NBEAL2: variants seen among roughly 807,000 people sequenced by gnomAD.
The protein encoded by NBEAL2 is neurobeachin like 2.
NBEAL2 carries 160 observed loss-of-function variants against 299.8 expected under a neutral mutation model. The ratio of observed to expected loss-of-function variants is 0.53; its 90% CI spans 0.47 to 0.61. NBEAL2 has a LOEUF of 0.61. Among genes scored for constraint, NBEAL2 ranks in the 20% least tolerant of loss-of-function variants. NBEAL2 has a pLI of 0.00. For missense variants in NBEAL2, 3,112 were observed against 3,649.0 expected, an observed-to-expected ratio of 0.85 and a Z score of 3.79; for synonymous variants, 1,493 against 1,542.3, an observed-to-expected ratio of 0.97 and a Z score of 0.75.
At position 46,996,399 on chromosome 3, in the gene NBEAL2, C is replaced by T; in HGVS notation, c.2280C>T (p.Val760=). 1 of 1,611,974 alleles carries T rather than the reference C, an allele frequency of 6.2e-7. No homozygotes were observed. The highest frequency in any genetic ancestry group is 1.1e-5 in the South Asian group (1 of 91,020). ...THPALTRSQS[V]PASTGLGWGS... Reference sequence around the variant, plus strand: ...CCGCCCTCACCCGCTCCCAGTCAGTCCCAGCCTCCACAGGGCTTGGCTGGG... The same window carrying T: ...CCGCCCTCACCCGCTCCCAGTCAGTTCCAGCCTCCACAGGGCTTGGCTGGG... Residue 760 remains valine, a synonymous_variant, in exon 16 of 54, where the codon GTC becomes GTT. Transcript: ENST00000450053.
At position 47,000,257 on chromosome 3, in the gene NBEAL2, C is replaced by G; in HGVS notation, c.4158C>G (p.Pro1386=). 1 of 1,613,150 alleles carries G rather than the reference C, an allele frequency of 6.2e-7. No individual in the cohort carries two copies. Residue 1386 remains proline, a synonymous_variant, in exon 27 of 54, where the codon CCC becomes CCG. Transcript: ENST00000450053. The surrounding 1 kb of genome is among the most constrained non-coding windows in gnomAD (Gnocchi z 4.5). Reference sequence around the variant, plus strand: ...GGACTCTTACTCCAGCCAGCCAGCCCGGCACTCCTTCGCCACTGGATGGGC... The same window carrying G: ...GGACTCTTACTCCAGCCAGCCAGCCGGGCACTCCTTCGCCACTGGATGGGC... ...SSGTLTPASQ[P]GTPSPLDGPR... is the part of the protein sequence containing the mutation.
At chr3:47,006,586 A>C in intron 45 of NBEAL2, 137 bp downstream of exon 45, 1 of 868,260 alleles carries the variant, frequency 1.2e-6, no homozygotes, top group Non-Finnish European at 1.9e-6. Flanking sequence ...TGAGCTAAAC[A>C]TGGGAAGAGT....
chr3:47,003,020 G>A lies in NBEAL2; in HGVS notation c.5523G>A (p.Lys1841=), dbSNP rs1428101331. The A allele has an allele frequency of 2.5e-6, 4 of 1,613,442 alleles. No homozygotes were observed. The highest frequency in any genetic ancestry group is 1.6e-4 in the Middle Eastern group (1 of 6,062). Residue 1841 remains lysine (K), a synonymous_variant, in exon 34 of 54, where the codon AAG becomes AAA. Coordinates refer to ENST00000450053, the MANE Select transcript of NBEAL2 (RefSeq NM_015175.3). The surrounding 1 kb of genome is among the most constrained non-coding windows in gnomAD (Gnocchi z 7.0). ...AGACATATTCACGCATGCGTCTGAA[G>A]CTGGTGCCCAACCATCACTTCGACC... ...SAETYSRMRL[K]LVPNHHFDPH... is the part of the protein sequence containing the mutation.
In NBEAL2 at chr3:46,994,349, G is replaced by T. The variant is rs539057659; in HGVS notation, c.1198-106G>T. On this transcript the variant is annotated intron_variant, in intron 11 of 53. Coordinates refer to ENST00000450053, the MANE Select transcript of NBEAL2 (RefSeq NM_015175.3). ...CACTGTCACCCAGAGGCAGAGCTAC[G>T]CAAGGGAACCCCAAAACATGATGCC... 33 of 1,058,416 alleles carry T rather than the reference G, an allele frequency of 3.1e-5. No homozygotes were observed. The African/African-American group carries it at 4.4e-4, about 14-fold the overall frequency. The allele number at this position is 1,058,416 out of a possible 1,614,324, so 65.6% of individuals were successfully genotyped here.
rs766010461 is a variant in NBEAL2 at position 47,004,568 on chromosome 3, A to G, written c.6272A>G (p.Asn2091Ser). 9.9e-6 allele frequency: 16 copies of G among 1,613,650 alleles called. No individual in the cohort carries two copies. The highest frequency in any genetic ancestry group is 2.2e-5 in the South Asian group (2 of 91,078). ...QLNTIAGRTY[N>S]DLSQYPVFPW... ...AACACCATTGCGGGGCGGACCTACA[A>G]TGACCTGTCTCAGTACCCTGTGGTG... The change falls in exon 38 of 54, where the codon AAT becomes AGT. Residue 2091 changes from asparagine (N) to serine (S), a missense_variant. Physicochemically the swap from Asn to Ser is conservative, Grantham distance 46. Transcript: ENST00000450053. This position sits in a 1 kb window ranked among gnomAD's most constrained non-coding sequence, Gnocchi z 5.0.
chr3:47,002,824 G>T, intron 33 of NBEAL2, 22 bp downstream of exon 33: 1 of 1,550,926 alleles, frequency 6.4e-7, no homozygotes, highest in Non-Finnish European at 8.7e-7. Flanking sequence ...TTGGGGCAGG[G>T]TCGCTGTGGA....
Position 46,996,870 on chromosome 3 carries a change from G to A in NBEAL2, c.2556+37G>A, listed in dbSNP as rs371859474. 2.1e-4 allele frequency: 331 copies of A among 1,610,316 alleles called. 2 individuals are homozygous for A. In the Middle Eastern group the frequency reaches 3.3e-3, roughly 16 times the overall value. ...CCCCAGGGGAGTGGTTGGCTCGACT[G>A]TGCTACTTCCCCGGCTCCCACACTC... On this transcript the variant is annotated intron_variant, in intron 17 of 53. Transcript: ENST00000450053.
rs767685780 is a variant in NBEAL2, at chr3:46,999,065, C to T, written c.3491C>T (p.Ala1164Val). 6.3e-6 allele frequency: 10 copies of T among 1,593,660 alleles called. No individual in the cohort carries two copies. Among genetic ancestry groups the T allele is most frequent in the Non-Finnish European group, 7.7e-6 (9 of 1,170,676 alleles). ...LEPGNLEVLL[A>V]LLVRPGSLPL... The stretch of plus-strand genomic sequence containing the variant: ...CCAGGGAACCTCGAAGTGCTACTGG[C>T]CCTGCTAGTGCGGCCAGGGTCACTG... Residue 1164 changes from alanine to valine, a missense_variant, in exon 24 of 54, where the codon GCC (alanine) becomes GTC (valine). This residue lies in a region of NBEAL2 where 2,243 missense variants were observed against 2,538.1 expected (regional missense o/e 0.88). Coordinates refer to ENST00000450053, the MANE Select transcript of NBEAL2 (RefSeq NM_015175.3).
rs780578595 is a variant in NBEAL2 at position 46,999,367 on chromosome 3, G to T, written c.3596G>T (p.Arg1199Leu). Residue 1199 changes from arginine (R) to leucine (L), a missense_variant, in exon 25 of 54, where the codon CGC becomes CTC. Around this residue, in one of 3 missense-constraint regions of NBEAL2, gnomAD observed 2,243 missense variants for 2,538.1 expected, o/e 0.88. Coordinates refer to ENST00000450053, the MANE Select transcript of NBEAL2 (RefSeq NM_015175.3). ...CGGCTACCTGAGCGGAGCCGCCAGCGCCTCCGGCTGCGGGAGTGTGGTCTC... is the reference window on the plus strand; with the variant it reads ...CGGCTACCTGAGCGGAGCCGCCAGCTCCTCCGGCTGCGGGAGTGTGGTCTC... ...NERLPERSRQ[R>L]LRLRECGLQG... 2.5e-6 allele frequency: 4 copies of T among 1,609,644 alleles called. No homozygotes were observed. The East Asian group carries it at 6.7e-5, about 27-fold the overall frequency.
chr3:47,008,962 T>G (rs764037103), intron 52 of NBEAL2, 27 bp from the exon 53 acceptor site: 1 of 1,598,362 alleles, frequency 6.3e-7, no homozygotes, highest in South Asian at 1.1e-5. Context: ...CAGTCGCAAG[T>G]TGGTGTATAT....
At chr3:46,998,595 G>C in intron 22 of NBEAL2, 30 bp downstream of exon 22, 1 of 1,595,536 alleles carries the variant, frequency 6.3e-7, no homozygotes, top group Non-Finnish European at 8.5e-7. Flanking sequence ...ATGGGCCATG[G>C]GGGGCTGACA....
intron 1 of NBEAL2, among the ~76,000 whole-genome samples, chr3:46,987,243 A>ATAGT (rs2035731390): frequency 6.6e-6 from 1 of 152,058 alleles, no homozygotes; most frequent in African/African-American, 2.4e-5. Flanking sequence ...CCATCCAAAG[A>ATAGT]TAGTTCTGGA....
In NBEAL2 at chr3:46,998,767, C is replaced by A. The variant is rs374932331; in HGVS notation, c.3272C>A (p.Thr1091Asn). The change falls in exon 23 of 54, where the codon ACC (threonine) becomes AAC (asparagine). Residue 1091 changes from threonine (T) to asparagine (N), a missense_variant. Thr to Asn is a moderately conservative substitution (Grantham distance 65). Transcript: ENST00000450053. ...GCTGACGACCTACGCACCGTGCAGA[C>A]CTCCCTCCTGGGCCTGGCGAGGGAG... is the stretch of plus-strand genomic sequence containing the variant. Reference protein sequence around the residue: ...LAADDLRTVQTSLLGLAREFL... With the variant: ...LAADDLRTVQNSLLGLAREFL... 2.5e-6 allele frequency: 4 copies of A among 1,576,878 alleles called. No homozygotes were observed. In the African/African-American group the frequency reaches 4.0e-5, roughly 16 times the overall value.
At position 47,003,788 on chromosome 3, in the gene NBEAL2, C is replaced by T. The variant is rs748239150; in HGVS notation, c.5721-28C>T. 2.0e-5 allele frequency: 31 copies of T among 1,560,886 alleles called. No homozygotes were observed. The highest frequency in any genetic ancestry group is 2.5e-5 in the Non-Finnish European group (29 of 1,151,648). On this transcript the variant is annotated intron_variant, in intron 35 of 53. Coordinates refer to ENST00000450053, the MANE Select transcript of NBEAL2 (RefSeq NM_015175.3). This position sits in a 1 kb window ranked among gnomAD's most constrained non-coding sequence, Gnocchi z 7.0. ...GTGAAGAAGGGGGTCCCAGAGCCTA[C>T]AGCGTGAGGTGGGTTGCTGGTCTTT...
At chr3:46,998,368 C>A in intron 21 of NBEAL2, 95 bp from the exon 22 acceptor site, 1 of 1,509,788 alleles carries the variant, frequency 6.6e-7, no homozygotes, top group Non-Finnish European at 9.0e-7. Flanking sequence ...TATGACCCTG[C>A]CCTGGAAGTC....
Position 47,002,756 on chromosome 3 carries a change from G to A in NBEAL2, c.5413G>A (p.Ala1805Thr), listed in dbSNP as rs2037120735. Reference sequence around the variant, plus strand: ...CTCCATGGCCCTGCTGCACTGGGGGGCGCTGTGGCGCCAGCTCGCCAGCCC... The same window carrying A: ...CTCCATGGCCCTGCTGCACTGGGGGACGCTGTGGCGCCAGCTCGCCAGCCC... Reference protein sequence around the residue: ...QHSMALLHWGALWRQLASPCG... With the variant: ...QHSMALLHWGTLWRQLASPCG... The change falls in exon 33 of 54, where the codon GCG becomes ACG. Residue 1805 changes from alanine to threonine, a missense_variant. Around this residue, in one of 3 missense-constraint regions of NBEAL2, gnomAD observed 2,243 missense variants for 2,538.1 expected, o/e 0.88. Transcript: ENST00000450053. 2 of 1,573,758 alleles carry A rather than the reference G, an allele frequency of 1.3e-6. No individual in the cohort carries two copies. The highest frequency in any genetic ancestry group is 1.3e-5 in the African/African-American group (1 of 74,452).
In NBEAL2 at chr3:47,009,247, T is replaced by G. The variant is rs901162489; in HGVS notation, c.8192T>G (p.Leu2731Arg). 56 of 1,601,564 alleles carry G rather than the reference T, an allele frequency of 3.5e-5. No individual in the cohort carries two copies. The highest frequency in any genetic ancestry group is 4.6e-5 in the Non-Finnish European group (54 of 1,175,550). Residue 2731 changes from leucine to arginine, a missense_variant, in exon 54 of 54, where the codon CTG becomes CGG. Coordinates refer to ENST00000450053, the MANE Select transcript of NBEAL2 (RefSeq NM_015175.3). The part of the protein sequence containing the change: ...EVRSSQFARK[L>R]WRSSRRISQV... Reference sequence around the variant, plus strand: ...CGCAGCAGCCAGTTCGCGCGGAAGCTGTGGCGGTCCTCGCGGCGCATCTCC... The same window carrying G: ...CGCAGCAGCCAGTTCGCGCGGAAGCGGTGGCGGTCCTCGCGGCGCATCTCC...
At chr3:47,008,911 A>G in intron 52 of NBEAL2, 78 bp from the exon 53 acceptor site, 3 of 1,565,350 alleles carry the variant, frequency 1.9e-6, no homozygotes, top group Non-Finnish European at 2.6e-6. Flanking sequence ...CAGAGAGGGT[A>G]TATGGGATAA....
rs564567422 is a variant in NBEAL2, at chr3:46,998,525, G to A, written c.3181G>A (p.Gly1061Ser). ...EHRQKLRKKY[G>S]VQFILDALRT... ...CAGACAGAAGCTGCGGAAGAAGTAC[G>A]GCGTCCAGTTTATCTTGGATGCTCT... Residue 1061 changes from glycine (G) to serine (S), a missense_variant, in exon 22 of 54, where the codon GGC (glycine) becomes AGC (serine). Coordinates refer to ENST00000450053, the MANE Select transcript of NBEAL2 (RefSeq NM_015175.3). 1.9e-5 allele frequency: 30 copies of A among 1,613,080 alleles called. No homozygotes were observed. Among genetic ancestry groups the A allele is most frequent in the African/African-American group, 6.7e-5 (5 of 75,046 alleles).
Sources: gnomAD v4.1 joint callset for allele counts (sites outside exome capture counted in the v4.1 genomes callset) on GRCh38, gnomAD v4.1.1 for gene constraint, gnomAD v4.1.1 regional missense constraint, Gnocchi (gnomAD v3.1) non-coding constraint, MANE v1.5 for transcripts, NCBI Gene and HGNC (gene_info 2026-07-23, HGNC 2026-07-21) for gene names.